Variants in GALK2 observed in about 807,000 individuals in gnomAD.
The protein encoded by GALK2 is galactokinase 2.
A neutral mutation model predicts 52.4 loss-of-function variants in GALK2; 36 were observed. That is an observed-to-expected ratio of 0.69 (90% CI 0.53 to 0.91). The LOEUF is 0.91. Among genes scored for constraint, GALK2 ranks in the 40% least tolerant of loss-of-function variants. The pLI is 0.00. For missense variants in GALK2, 579 were observed against 559.1 expected, an observed-to-expected ratio of 1.04 and a Z score of -0.36; for synonymous variants, 176 against 199.1, an observed-to-expected ratio of 0.88 and a Z score of 0.98.
chr15:49,195,913 G>A (rs1186290745), intron 1 of GALK2, among the ~76,000 whole-genome samples: 1 of 151,984 alleles, frequency 6.6e-6, no homozygotes, highest in Non-Finnish European at 1.5e-5. Flanking sequence ...ATCAAAAATG[G>A]AATCAGACTA....
downstream of GALK2, among the ~76,000 whole-genome samples, chr15:49,332,251 G>A (rs1472846914): frequency 1.3e-5 from 2 of 152,212 alleles, no homozygotes; most frequent in East Asian, 3.9e-4. Context: ...GGTTTACACA[G>A]TATTGCTTTA....
chr15:49,293,302 T>A (rs1027324253), intron 8 of GALK2, among the ~76,000 whole-genome samples: 1 of 152,252 alleles, frequency 6.6e-6, no homozygotes, highest in Non-Finnish European at 1.5e-5. Context: ...CTGGAAGTAC[T>A]GAAAACTTTG....
At chr15:49,176,117 C>T (rs2141194958) in intron 1 of GALK2, among the ~76,000 whole-genome samples, 1 of 152,342 alleles carries the variant, frequency 6.6e-6, no homozygotes, top group South Asian at 2.1e-4. Flanking sequence ...TTTATCAGGC[C>T]CAGAGAGACA....
At chr15:49,289,669 T>G (rs954729987) in intron 7 of GALK2, among the ~76,000 whole-genome samples, 3 of 152,226 alleles carry the variant, frequency 2.0e-5, no homozygotes, top group African/African-American at 7.2e-5. Flanking sequence ...AACCTGTGAT[T>G]TGAAGCTCAG....
intron 1 of GALK2, among the ~76,000 whole-genome samples, chr15:49,180,513 A>G (rs931421681): frequency 1.3e-5 from 2 of 152,148 alleles, no homozygotes; most frequent in Admixed American, 6.5e-5. Flanking sequence ...TATTTCTACA[A>G]TCCGAATTCC....
intron 5 of GALK2, among the ~76,000 whole-genome samples, chr15:49,240,930 C>T (rs2580926): frequency 0.34 from 51,960 of 151,860 alleles, 9,482 homozygotes; most frequent in East Asian, 0.6. Flanking sequence ...AGGGTTTTAG[C>T]AGTAGGGAGG....
rs2038250388 is a variant in GALK2 at position 49,329,783 on chromosome 15, C to T, written c.*1624C>T. ...AAGGATTTGTGGTTGGTATATAATT[C>T]TTTAAAGATACCTGGATCAGTGTAA... On this transcript the variant is annotated 3_prime_UTR_variant, in exon 10 of 10. Transcript: ENST00000560031. 1 of 851,162 alleles carries T rather than the reference C, an allele frequency of 1.2e-6. No homozygotes were observed. The allele number at this position is 851,162 out of a possible 1,614,324, so 52.7% of individuals were successfully genotyped here. A position where few individuals can be genotyped will look rare whatever the true frequency, so the allele number is the denominator to read the frequency against.
intron 1 of GALK2, among the ~76,000 whole-genome samples, chr15:49,160,053 C>T (rs2084596425): frequency 6.6e-6 from 1 of 152,066 alleles, no homozygotes; most frequent in African/African-American, 2.4e-5. Context: ...GTAGGTGGAT[C>T]ACCTGAGGTT....
Position 49,209,317 on chromosome 15 carries a change from T to C in GALK2, c.143-7873T>C, listed in dbSNP as rs545071715. Among the ~76,000 whole-genome samples, 3 of 152,342 alleles carry C rather than the reference T, an allele frequency of 2.0e-5. No homozygotes were observed. The South Asian group carries it at 6.2e-4, about 32-fold the overall frequency. ...TTCCTCCTTTCCAATTTGGATGCCCTTTACATTTTTCTCTTGCCTGATTGC... is the reference window on the plus strand; with the variant it reads ...TTCCTCCTTTCCAATTTGGATGCCCCTTACATTTTTCTCTTGCCTGATTGC... On this transcript the variant is annotated intron_variant, in intron 2 of 9. Coordinates refer to ENST00000560031, the MANE Select transcript of GALK2 (RefSeq NM_002044.4).
intron 3 of GALK2, among the ~76,000 whole-genome samples, chr15:49,361,880 C>G (rs893650139): frequency 6.6e-6 from 1 of 152,062 alleles, no homozygotes; most frequent in African/African-American, 2.4e-5. Flanking sequence ...ATAAGCATTC[C>G]TTTTCTCTGC....
chr15:49,298,546 G>T (rs1023495884), intron 8 of GALK2, among the ~76,000 whole-genome samples: 1 of 152,110 alleles, frequency 6.6e-6, no homozygotes, highest in Non-Finnish European at 1.5e-5. Context: ...TTGACTGTGG[G>T]TTTGTTATAG....
Position 49,209,277 on chromosome 15 carries a change from T to C in GALK2, c.143-7913T>C, listed in dbSNP as rs562511930. Among the ~76,000 whole-genome samples, 5 of 152,346 alleles carry C rather than the reference T, an allele frequency of 3.3e-5. No individual in the cohort carries two copies. In the South Asian group the frequency reaches 1.0e-3, roughly 32 times the overall value. On this transcript the variant is annotated intron_variant, in intron 2 of 9. Coordinates refer to ENST00000560031, the MANE Select transcript of GALK2 (RefSeq NM_002044.4). ...CGTATAAGATCATGTTGTGTACAAG[T>C]AGAGACCATCTGACTTCCTCCTTTC...
upstream of GALK2, among the ~76,000 whole-genome samples, chr15:49,167,000 T>A (rs2084844245): frequency 6.6e-6 from 1 of 152,214 alleles, no homozygotes; most frequent in South Asian, 2.1e-4. Context: ...CTGAAGGAAG[T>A]GATTTCTAAG....
At chr15:49,159,525 G>A (rs1234436510) in intron 1 of GALK2, among the ~76,000 whole-genome samples, 1 of 149,682 alleles carries the variant, frequency 6.7e-6, no homozygotes, top group Non-Finnish European at 1.5e-5. Flanking sequence ...GCAGTGAGCC[G>A]AGATCGCACC....
intron 5 of GALK2, among the ~76,000 whole-genome samples, chr15:49,242,510 T>C (rs1034898329): frequency 6.6e-6 from 1 of 152,204 alleles, no homozygotes; most frequent in African/African-American, 2.4e-5. Flanking sequence ...ATAACTAGCC[T>C]GTTTGATAAG....
chr15:49,308,440 A>G (rs1018772342), intron 8 of GALK2, among the ~76,000 whole-genome samples: 1 of 152,168 alleles, frequency 6.6e-6, no homozygotes, highest in African/African-American at 2.4e-5. Flanking sequence ...CGTACATGAT[A>G]AAGATTTCCA....
intron 5 of GALK2, among the ~76,000 whole-genome samples, chr15:49,253,868 C>T (rs2091710326): frequency 2.1e-5 from 3 of 144,268 alleles, no homozygotes; most frequent in East Asian, 1.9e-4. Flanking sequence ...TCATCAACAA[C>T]AACTACACAA....
upstream of GALK2, among the ~76,000 whole-genome samples, chr15:49,165,800 CTTT>C (rs552058665): frequency 3.0e-5 from 4 of 134,714 alleles, no homozygotes; most frequent in Non-Finnish European, 3.2e-5. Context: ...TAATGTATTT[CTTT>C]TTTTTTTTTT....
At chr15:49,364,349 T>G (rs754666036) in intron 3 of GALK2, among the ~76,000 whole-genome samples, 2 of 152,186 alleles carry the variant, frequency 1.3e-5, no homozygotes, top group South Asian at 4.1e-4. Context: ...TAGTAGGTTG[T>G]ATGTTCCAGG....
Sources: gnomAD v4.1 joint callset for allele counts (sites outside exome capture counted in the v4.1 genomes callset) on GRCh38, gnomAD v4.1.1 for gene constraint, MANE v1.5 for transcripts, NCBI Gene and HGNC (gene_info 2026-07-23, HGNC 2026-07-21) for gene names.